The following PALLD variants were observed in gnomAD, a reference collection of about 807,000 sequenced individuals.
The protein encoded by PALLD is palladin.
PALLD carries 61 observed loss-of-function variants against 123.5 expected under a neutral mutation model. That is an observed-to-expected ratio of 0.49 (90% CI 0.40 to 0.61). The LOEUF is 0.61. Ranked by LOEUF, PALLD falls within the 20% of genes least tolerant of loss-of-function variation. The pLI, the probability that PALLD is intolerant of heterozygous loss-of-function variation, is 0.00. For missense variants in PALLD, 1,273 were observed against 1,377.0 expected (o/e 0.92, Z 1.20); for synonymous variants, 465 against 496.4 (o/e 0.94, Z 0.84).
At chr4:168,518,536 T>C (rs1366344600) in intron 2 of PALLD, among the ~76,000 whole-genome samples, 1 of 152,194 alleles carries the variant, frequency 6.6e-6, no homozygotes, top group African/African-American at 2.4e-5. Context: ...ACCACCAGGC[T>C]TGTTCTTGTC....
At chr4:168,696,551 G>A (rs1783145845) in intron 8 of PALLD, among the ~76,000 whole-genome samples, 1 of 151,954 alleles carries the variant, frequency 6.6e-6, no homozygotes, top group Non-Finnish European at 1.5e-5. Context: ...AAAAAAACAA[G>A]TGACCTTCCT....
At chr4:168,599,861 T>A (rs933430105) in intron 2 of PALLD, among the ~76,000 whole-genome samples, 3 of 152,172 alleles carry the variant, frequency 2.0e-5, no homozygotes, top group African/African-American at 7.2e-5. Flanking sequence ...TGTATTTCAA[T>A]TTGAAAAAGT....
intron 10 of PALLD, among the ~76,000 whole-genome samples, chr4:168,761,338 G>C (rs1379364235): frequency 6.6e-6 from 1 of 152,064 alleles, no homozygotes; most frequent in Non-Finnish European, 1.5e-5. Context: ...CTACTCTGGA[G>C]TCTCTGGCTT....
At chr4:168,620,688 C>T (rs535471947) in intron 2 of PALLD, among the ~76,000 whole-genome samples, 1 of 152,286 alleles carries the variant, frequency 6.6e-6, no homozygotes, top group Non-Finnish European at 1.5e-5. Context: ...GCCAGCCTCA[C>T]ACACCCTGAC....
chr4:168,843,100 A>C (rs1746287610), intron 10 of PALLD, among the ~76,000 whole-genome samples: 1 of 152,216 alleles, frequency 6.6e-6, no homozygotes, highest in African/African-American at 2.4e-5. Context: ...TTTTGCCAGA[A>C]AGGAATTCTA....
At chr4:168,863,078 T>C (rs1749734616) in intron 10 of PALLD, among the ~76,000 whole-genome samples, 1 of 152,192 alleles carries the variant, frequency 6.6e-6, no homozygotes. Context: ...GGTGCACTTA[T>C]TAGCAAGGGA....
chr4:168,832,182 G>C, intron 10 of PALLD: 1 of 985,568 alleles, frequency 1.0e-6, no homozygotes, highest in Non-Finnish European at 1.2e-6. Context: ...GTAGGCGCGG[G>C]GAATCGGCCC....
intron 2 of PALLD, among the ~76,000 whole-genome samples, chr4:168,641,182 T>C (rs113953576): frequency 0.045 from 6,516 of 144,908 alleles, 445 homozygotes; most frequent in African/African-American, 0.16. Context: ...CACTCCAGCC[T>C]GGGCGACAGA....
chr4:168,882,617 C>T (rs750776218), intron 10 of PALLD, among the ~76,000 whole-genome samples: 2 of 152,086 alleles, frequency 1.3e-5, no homozygotes, highest in Non-Finnish European at 1.5e-5. Flanking sequence ...TAGTGGGGGG[C>T]TTTTCATTCT....
At chr4:168,908,496 G>GA (rs57780205) in intron 15 of PALLD, among the ~76,000 whole-genome samples, 32 of 150,868 alleles carry the variant, frequency 2.1e-4, no homozygotes, top group African/African-American at 4.6e-4. Context: ...AAAAGGTGGT[G>GA]AAAAAAAAAT....
chr4:168,832,070 G>T (rs1352619011), intron 10 of PALLD: 1 of 985,314 alleles, frequency 1.0e-6, no homozygotes, highest in Admixed American at 6.1e-5. Context: ...GAGGTATAAA[G>T]CCCGATACCT....
intron 2 of PALLD, among the ~76,000 whole-genome samples, chr4:168,603,778 A>G (rs1358056024): frequency 6.6e-6 from 1 of 152,208 alleles, no homozygotes; most frequent in Non-Finnish European, 1.5e-5. Flanking sequence ...ATTTCCCAAA[A>G]GGTTCACAGG....
At chr4:168,813,668 C>G (rs1741495831) in intron 10 of PALLD, among the ~76,000 whole-genome samples, 1 of 152,158 alleles carries the variant, frequency 6.6e-6, no homozygotes, top group South Asian at 2.1e-4. Flanking sequence ...CTGTGTTGCC[C>G]AGACTGGTCT....
intron 10 of PALLD, among the ~76,000 whole-genome samples, chr4:168,887,238 G>A (rs1458198740): frequency 6.6e-6 from 1 of 152,094 alleles, no homozygotes; most frequent in Non-Finnish European, 1.5e-5. Context: ...ACAAACCAAG[G>A]TGACAACTCT....
At chr4:168,560,017 A>C (rs2319857) in intron 2 of PALLD, among the ~76,000 whole-genome samples, 56,390 of 152,086 alleles carry the variant, frequency 0.37, 10,707 homozygotes, top group East Asian at 0.65. Context: ...TGAAATTCAA[A>C]TAGCATCTTA....
intron 10 of PALLD, among the ~76,000 whole-genome samples, chr4:168,781,128 G>A (rs921016343): frequency 7.2e-5 from 11 of 152,102 alleles, no homozygotes; most frequent in Non-Finnish European, 1.5e-4. Flanking sequence ...TTCAATTTTT[G>A]TGATGACAAA....
intron 2 of PALLD, among the ~76,000 whole-genome samples, chr4:168,600,302 T>G (rs1772508823): frequency 6.6e-6 from 1 of 152,174 alleles, no homozygotes; most frequent in Admixed American, 6.5e-5. Flanking sequence ...TTTTTGGGGA[T>G]TAGACTAAAA....
chr4:168,549,386 T>C (rs1024269915), intron 2 of PALLD, among the ~76,000 whole-genome samples: 1 of 152,192 alleles, frequency 6.6e-6, no homozygotes, highest in Non-Finnish European at 1.5e-5. Flanking sequence ...TGTCTCTGTA[T>C]ATGTGTTTGT....
intron 10 of PALLD, among the ~76,000 whole-genome samples, chr4:168,813,615 A>G (rs879673092): frequency 1.3e-5 from 2 of 151,748 alleles, no homozygotes; most frequent in Admixed American, 6.6e-5. Context: ...ATGCCACCAC[A>G]CCCAGCTAAT....
Sources: allele counts gnomAD v4.1 joint callset (sites outside exome capture counted in the v4.1 genomes callset), GRCh38; gene constraint gnomAD v4.1.1; transcripts MANE v1.5; gene names NCBI Gene and HGNC (gene_info 2026-07-23, HGNC 2026-07-21).